The following RPE65 variants were observed in gnomAD, a reference collection of about 807,000 sequenced individuals.
RPE65 encodes the protein retinoid isomerohydrolase RPE65.
A neutral mutation model predicts 68.5 loss-of-function variants in RPE65; 58 were observed. The ratio of observed to expected loss-of-function variants is 0.85; its 90% CI spans 0.69 to 1.05. The LOEUF (loss-of-function observed/expected upper bound fraction) is 1.05, where lower values mean the gene tolerates loss of function less well. Ranked by LOEUF, RPE65 falls within the 50% of genes least tolerant of loss-of-function variation. The probability of loss-of-function intolerance (pLI) is 0.00; values close to 1 mark genes in which losing one functional copy is unlikely to be tolerated. For missense variants in RPE65, 643 were observed against 629.9 expected (o/e 1.02, Z -0.22); for synonymous variants, 220 against 222.2 (o/e 0.99, Z 0.09).
intron 5 of RPE65, among the ~76,000 whole-genome samples, chr1:68,443,492 C>T (rs1185491762): frequency 6.6e-6 from 1 of 152,172 alleles, no homozygotes; most frequent in Non-Finnish European, 1.5e-5. Flanking sequence ...ACACCTTCTA[C>T]CTCCATGCTT....
chr1:68,446,026 G>A (rs1645940844), intron 3 of RPE65, among the ~76,000 whole-genome samples: 1 of 151,890 alleles, frequency 6.6e-6, no homozygotes. Context: ...GATCAACAAA[G>A]CCACTAATAG....
At chr1:68,437,404 T>C (rs1242978000) in intron 10 of RPE65, among the ~76,000 whole-genome samples, 1 of 152,226 alleles carries the variant, frequency 6.6e-6, no homozygotes, top group Non-Finnish European at 1.5e-5. Flanking sequence ...TCATAGAGCT[T>C]ACAAACTTGC....
At chr1:68,446,193 A>T (rs1205147551) in intron 3 of RPE65, among the ~76,000 whole-genome samples, 2 of 151,934 alleles carry the variant, frequency 1.3e-5, no homozygotes, top group African/African-American at 4.8e-5. Context: ...TTCATCCTTC[A>T]CTACTTTGTG....
chr1:68,429,692 G>A lies in RPE65; in HGVS notation c.*84C>T. The A allele has an allele frequency of 6.4e-7, 1 of 1,561,502 alleles. No homozygotes were observed. ...AAGTTAAAACCATGACATATAGCAG[G>A]CTAAAATTGAACAGAATTTGATTGC... On this transcript the variant is annotated 3_prime_UTR_variant, in exon 14 of 14. Coordinates refer to ENST00000262340, the MANE Select transcript of RPE65 (RefSeq NM_000329.3).
At chr1:68,431,013 A>C in intron 13 of RPE65, 52 bp downstream of exon 13, 2 of 1,426,582 alleles carry the variant, frequency 1.4e-6, no homozygotes, top group Non-Finnish European at 2.0e-6. Context: ...ACGAACTAAC[A>C]TACAGAACTG....
intron 5 of RPE65, among the ~76,000 whole-genome samples, chr1:68,442,640 G>A (rs1360738235): frequency 6.6e-6 from 1 of 152,198 alleles, no homozygotes; most frequent in South Asian, 2.1e-4. Flanking sequence ...ACATTTTACA[G>A]TGCTAGTAAC....
chr1:68,434,942 A>G (rs567220421), intron 10 of RPE65, among the ~76,000 whole-genome samples: 1 of 152,266 alleles, frequency 6.6e-6, no homozygotes, highest in South Asian at 2.1e-4. Flanking sequence ...CAAACTTTTA[A>G]GAGTGTGCAC....
Position 68,429,419 on chromosome 1 carries a change from T to A in RPE65, c.*357A>T, listed in dbSNP as rs1645804077. 3.7e-6 allele frequency: 1 copy of A among 270,754 alleles called. No individual in the cohort carries two copies. The highest frequency in any genetic ancestry group is 7.2e-6 in the Non-Finnish European group (1 of 139,686). The allele number at this position is 270,754 out of a possible 1,614,324, so 16.8% of individuals were successfully genotyped here. A position where few individuals can be genotyped will look rare whatever the true frequency, so the allele number is the denominator to read the frequency against. ...ATCAAGTGTAGAGGACTTTGGTTTT[T>A]AAATGTTAAAAATATAATTGGAGCA... On this transcript the variant is annotated 3_prime_UTR_variant, in exon 14 of 14. Transcript: ENST00000262340.
intron 2 of RPE65, among the ~76,000 whole-genome samples, chr1:68,448,366 G>A (rs1400850102): frequency 6.6e-6 from 1 of 152,188 alleles, no homozygotes; most frequent in Non-Finnish European, 1.5e-5. Flanking sequence ...CACTGAGCTA[G>A]GCACTGACAG....
rs368381348 is a variant in RPE65, at chr1:68,446,696, G to A, written c.245+14C>T. ...TACTTTGAGGAGGAGGAGTGGCATG[G>A]AGTGCTGCTTTACCTTCTGTGGTAT... On this transcript the variant is annotated intron_variant, in intron 3 of 13. Coordinates refer to ENST00000262340, the MANE Select transcript of RPE65 (RefSeq NM_000329.3). 132 of 1,614,124 alleles carry A rather than the reference G, an allele frequency of 8.2e-5. No homozygotes were observed. The highest frequency in any genetic ancestry group is 1.1e-4 in the Non-Finnish European group (125 of 1,180,018).
At chr1:68,433,022 A>C (rs1645837517) in intron 10 of RPE65, among the ~76,000 whole-genome samples, 1 of 152,166 alleles carries the variant, frequency 6.6e-6, no homozygotes, top group Non-Finnish European at 1.5e-5. Flanking sequence ...GTCACAACAA[A>C]GATAGGAACT....
In RPE65 at chr1:68,438,305, A is replaced by G. The variant is rs1289760001; in HGVS notation, c.1010T>C (p.Val337Ala). 1 of 1,613,406 alleles carries G rather than the reference A, an allele frequency of 6.2e-7. No homozygotes were observed. Among genetic ancestry groups the G allele is most frequent in the Non-Finnish European group, 8.5e-7 (1 of 1,179,822 alleles). ...DLCCWKGFEF[V>A]YNYLYLANLR... ...ATTGGCTAAATATAAGTAATTATAA[A>G]CAAACTCAAATCTGCAAAAATAAAA... The change falls in exon 10 of 14, where the codon GTT (valine) becomes GCT (alanine). Residue 337 changes from valine to alanine, a missense_variant. Physicochemically the swap from Val to Ala is moderately conservative, Grantham distance 64. Coordinates refer to ENST00000262340, the MANE Select transcript of RPE65 (RefSeq NM_000329.3).
At position 68,444,580 on chromosome 1, in the gene RPE65, G is replaced by T; in HGVS notation, c.446C>A (p.Thr149Asn). ...VGEDYYACTE[T>N]NFITKINPET... ...TGGATTAATCTTTGTAATAAAGTTG[G>T]TCTCTGTGCAAGCGTAGTAATCTTC... Residue 149 changes from threonine to asparagine, a missense_variant, in exon 5 of 14, where the codon ACC becomes AAC. By Grantham distance (65) the Thr-to-Asn change is moderately conservative (BLOSUM62 0). Transcript: ENST00000262340. The T allele has an allele frequency of 6.2e-7, 1 of 1,614,074 alleles. No homozygotes were observed. The highest frequency in any genetic ancestry group is 8.5e-7 in the Non-Finnish European group (1 of 1,180,000).
intron 5 of RPE65, among the ~76,000 whole-genome samples, chr1:68,442,905 T>A (rs1211655247): frequency 6.6e-6 from 1 of 152,228 alleles, no homozygotes; most frequent in African/African-American, 2.4e-5. Context: ...GAATTATAGA[T>A]CAGCTTGTGC....
rs1409461113 is a variant in RPE65 at position 68,429,196 on chromosome 1, A to T, written c.*580T>A. On this transcript the variant is annotated 3_prime_UTR_variant, in exon 14 of 14. Transcript: ENST00000262340. Reference sequence around the variant, plus strand: ...TTCTTATTATAAAATCAGAAATAATAGTACTTGCTTGTAATAAACGGAAAG... The same window carrying T: ...TTCTTATTATAAAATCAGAAATAATTGTACTTGCTTGTAATAAACGGAAAG... 6.5e-6 allele frequency: 1 copy of T among 152,718 alleles called. No individual in the cohort carries two copies. Among genetic ancestry groups the T allele is most frequent in the Non-Finnish European group, 1.5e-5 (1 of 68,432 alleles). The allele number at this position is 152,718 out of a possible 1,614,324, so 9.5% of individuals were successfully genotyped here.
rs762116242 is a variant in RPE65 at position 68,438,312 on chromosome 1, C to G, written c.1003G>C (p.Glu335Gln). The G allele has an allele frequency of 1.2e-5, 20 of 1,612,654 alleles. No individual in the cohort carries two copies. Among genetic ancestry groups the G allele is most frequent in the Non-Finnish European group, 1.7e-5 (20 of 1,179,714 alleles). Residue 335 changes from glutamate to glutamine, a missense_variant, in exon 10 of 14, where the codon GAG becomes CAG. By Grantham distance (29) the Glu-to-Gln change is conservative (BLOSUM62 2). Coordinates refer to ENST00000262340, the MANE Select transcript of RPE65 (RefSeq NM_000329.3). ...IVDLCCWKGFEFVYNYLYLAN... is the reference protein window; with the variant it reads ...IVDLCCWKGFQFVYNYLYLAN... ...AAATATAAGTAATTATAAACAAACT[C>G]AAATCTGCAAAAATAAAAAGTCAAA... is the stretch of plus-strand genomic sequence containing the variant.
Position 68,429,739 on chromosome 1 carries a change from AG to A in RPE65, c.*36del. 1 of 1,612,816 alleles carries A rather than the reference AG, an allele frequency of 6.2e-7. No homozygotes were observed. On this transcript the variant is annotated 3_prime_UTR_variant, in exon 14 of 14. Coordinates refer to ENST00000262340, the MANE Select transcript of RPE65 (RefSeq NM_000329.3). Reference sequence around the variant, plus strand: ...TTGCAGACCTGAAGCTGATTTTCTCAGTTTTGCTACCAAAAACATATCTTGC... The same window carrying A: ...TTGCAGACCTGAAGCTGATTTTCTCATTTTGCTACCAAAAACATATCTTGC...
rs61752909 is a variant in RPE65 at position 68,438,293 on chromosome 1, A to G, written c.1022T>C (p.Leu341Ser). ...WKGFEFVYNY[L>S]YLANLRENWE... The stretch of plus-strand genomic sequence containing the variant: ...GTTCTCACGTAAATTGGCTAAATAT[A>G]AGTAATTATAAACAAACTCAAATCT... The change falls in exon 10 of 14, where the codon TTA (leucine) becomes TCA (serine). Residue 341 changes from leucine (L) to serine (S), a missense_variant. Transcript: ENST00000262340. 11 of 1,613,488 alleles carry G rather than the reference A, an allele frequency of 6.8e-6. No individual in the cohort carries two copies. In the Admixed American group the frequency reaches 8.3e-5, roughly 12 times the overall value.
At position 68,429,847 on chromosome 1, in the gene RPE65, T is replaced by C. The variant is rs1645807428; in HGVS notation, c.1531A>G (p.Ser511Gly). 6.2e-7 allele frequency: 1 copy of C among 1,613,780 alleles called. No individual in the cohort carries two copies. The highest frequency in any genetic ancestry group is 1.3e-5 in the African/African-American group (1 of 74,922). Residue 511 changes from serine to glycine, a missense_variant, in exon 14 of 14, where the codon AGT (serine) becomes GGT (glycine). Physicochemically the swap from Ser to Gly is moderately conservative, Grantham distance 56. Coordinates refer to ENST00000262340, the MANE Select transcript of RPE65 (RefSeq NM_000329.3). ...TCCACTTCAGCCCGGGCAACTTCAC[T>C]TAAGTCCTTGGCATTCAGAATCAGG... ...YLLILNAKDL[S>G]EVARAEVEIN...
Sources: allele counts gnomAD v4.1 joint callset (sites outside exome capture counted in the v4.1 genomes callset), GRCh38; gene constraint gnomAD v4.1.1; transcripts MANE v1.5; gene names NCBI Gene and HGNC (gene_info 2026-07-23, HGNC 2026-07-21).